GNAL: variants seen among roughly 807,000 people sequenced by gnomAD.
GNAL encodes G protein subunit alpha L.
Under a neutral mutation model 55.1 loss-of-function variants are expected in GNAL, and 18 were observed. That is an observed-to-expected ratio of 0.33 (90% CI 0.23 to 0.48). The LOEUF is 0.48. Ranked by LOEUF, GNAL falls within the 20% of genes least tolerant of loss-of-function variation. The pLI, the probability that GNAL is intolerant of heterozygous loss-of-function variation, is 0.99. For missense variants in GNAL, 412 were observed against 614.1 expected, an observed-to-expected ratio of 0.67 and a Z score of 3.48; for synonymous variants, 253 against 237.0, an observed-to-expected ratio of 1.07 and a Z score of -0.62.
At chr18:11,746,278 G>T in intron 1 of GNAL, 1 of 375,784 alleles carries the variant, frequency 2.7e-6, no homozygotes, top group East Asian at 6.5e-5. Context: ...CAGAAACTTT[G>T]AAGAGCAAGC....
chr18:11,722,866 C>T (rs910741084), intron 1 of GNAL, among the ~76,000 whole-genome samples: 1 of 152,186 alleles, frequency 6.6e-6, no homozygotes, highest in African/African-American at 2.4e-5. Context: ...ACAAAATTAG[C>T]TGGGCGTGGT....
At chr18:11,852,422 A>G (rs949831977) in intron 5 of GNAL, 1 of 325,662 alleles carries the variant, frequency 3.1e-6, no homozygotes, top group African/African-American at 2.1e-5. Flanking sequence ...TTTCCTGCCC[A>G]GAATGATCAG....
chr18:11,751,619 C>T lies in GNAL; in HGVS notation c.377-1234C>T. The T allele has an allele frequency of 7.1e-6, 7 of 985,426 alleles. No individual in the cohort carries two copies. Among genetic ancestry groups the T allele is most frequent in the Non-Finnish European group, 8.4e-6 (7 of 829,960 alleles). 61.0% of individuals were successfully genotyped at this position (985,426 alleles called of 1,614,324 possible). On this transcript the variant is annotated intron_variant, in intron 1 of 11. Coordinates refer to ENST00000334049, the MANE Select transcript of GNAL (RefSeq NM_182978.4). The surrounding 1 kb of genome is among the most constrained non-coding windows in gnomAD (Gnocchi z 4.5). ...AGCCAACACGGGGCGCGCGCCCAGA[C>T]GCACTTTCCCGGCTCGGGGTGCAAG...
chr18:11,755,461 G>A (rs1215022628), intron 4 of GNAL, among the ~76,000 whole-genome samples: 1 of 152,134 alleles, frequency 6.6e-6, no homozygotes, highest in African/African-American at 2.4e-5. Flanking sequence ...ATTTTTAGTA[G>A]AGATGGGGTT....
chr18:11,691,288 C>A (rs1457727060), intron 1 of GNAL, among the ~76,000 whole-genome samples: 13 of 150,894 alleles, frequency 8.6e-5, no homozygotes, highest in African/African-American at 2.7e-4. Context: ...ATGTCCTTTG[C>A]CCACTTTTTG....
intron 10 of GNAL, among the ~76,000 whole-genome samples, chr18:11,875,183 A>G (rs542794171): frequency 3.5e-4 from 54 of 152,240 alleles, no homozygotes; most frequent in African/African-American, 1.2e-3. Context: ...GCTGAGAGGC[A>G]GTCCATGGAG....
rs73397898 is a variant in GNAL at position 11,755,580 on chromosome 18, T to A, written c.624+1635T>A. 9.3e-3 allele frequency among the ~76,000 whole-genome samples: 1,413 copies of A among 152,344 alleles called. 9 individuals are homozygous for A. The highest frequency in any genetic ancestry group is 0.017 in the Middle Eastern group (5 of 294). ...ATGAGCCACCGTGCCCAGCCAAGAA[T>A]AACTTTTTTAAAAAGCTTTTATTTT... On this transcript the variant is annotated intron_variant, in intron 4 of 11. Transcript: ENST00000334049.
In GNAL at chr18:11,726,430, A is replaced by G. The variant is rs561256208; in HGVS notation, c.377-26423A>G. Among the ~76,000 whole-genome samples the G allele has an allele frequency of 1.2e-4, 18 of 152,334 alleles. No homozygotes were observed. In the South Asian group the frequency reaches 3.1e-3, roughly 26 times the overall value. ...CTGCTTATTAATAACCATTTGTGCA[A>G]ATCTCTGTGCTGTGAACACTGATGA... is the stretch of plus-strand genomic sequence containing the variant. On this transcript the variant is annotated intron_variant, in intron 1 of 11. Coordinates refer to ENST00000334049, the MANE Select transcript of GNAL (RefSeq NM_182978.4).
intron 6 of GNAL, among the ~76,000 whole-genome samples, chr18:11,864,086 C>CTT (rs3981355): frequency 1.6e-4 from 21 of 129,044 alleles, no homozygotes; most frequent in African/African-American, 2.1e-4. Context: ...CGTCTGAGTT[C>CTT]TTTTTTTTTT....
chr18:11,847,773 G>A (rs531828828), intron 5 of GNAL, among the ~76,000 whole-genome samples: 9 of 152,046 alleles, frequency 5.9e-5, no homozygotes, highest in East Asian at 1.9e-4. Flanking sequence ...ACATTTTCAC[G>A]TACAATTAGC....
chr18:11,761,195 G>A (rs1025595654), intron 4 of GNAL, among the ~76,000 whole-genome samples: 2 of 152,036 alleles, frequency 1.3e-5, no homozygotes, highest in Non-Finnish European at 2.9e-5. Flanking sequence ...AGCTGTCACC[G>A]CCTGCACCTC....
At chr18:11,807,202 C>T (rs907362784) in intron 4 of GNAL, among the ~76,000 whole-genome samples, 4 of 152,034 alleles carry the variant, frequency 2.6e-5, no homozygotes, top group African/African-American at 7.2e-5. Context: ...TCCAGCTCTA[C>T]ATCCTCGCAA....
chr18:11,833,715 C>G (rs1344782578), intron 5 of GNAL: 1 of 152,252 alleles, frequency 6.6e-6, no homozygotes, highest in African/African-American at 2.4e-5. Flanking sequence ...GGCCTGGCCT[C>G]TCTGCCCAGC....
At chr18:11,857,523 G>A (rs2036035546) in intron 5 of GNAL, 1 of 985,364 alleles carries the variant, frequency 1.0e-6, no homozygotes, top group Non-Finnish European at 1.2e-6. Flanking sequence ...ATGGGAAGGA[G>A]GAAGCGCAGG....
intron 5 of GNAL, among the ~76,000 whole-genome samples, chr18:11,861,752 T>G (rs1205327457): frequency 6.6e-6 from 1 of 152,144 alleles, no homozygotes; most frequent in Non-Finnish European, 1.5e-5. Context: ...CTGCCTTGTG[T>G]GGGACACAGT....
At chr18:11,817,152 T>C (rs539064271) in intron 4 of GNAL, among the ~76,000 whole-genome samples, 1 of 152,276 alleles carries the variant, frequency 6.6e-6, no homozygotes, top group East Asian at 1.9e-4. Flanking sequence ...CTAATAATAA[T>C]TGAAGTAGGC....
intron 5 of GNAL, among the ~76,000 whole-genome samples, chr18:11,827,031 A>T (rs2035263751): frequency 1.3e-5 from 2 of 152,182 alleles, no homozygotes; most frequent in South Asian, 4.1e-4. Context: ...CAGAGGGCAC[A>T]GGTCGTCCGG....
At chr18:11,739,082 C>T (rs919219819) in intron 1 of GNAL, among the ~76,000 whole-genome samples, 2 of 152,142 alleles carry the variant, frequency 1.3e-5, no homozygotes, top group Non-Finnish European at 2.9e-5. Flanking sequence ...CAGAGAGTGC[C>T]CTGCGCAGCC....
At position 11,877,694 on chromosome 18, in the gene GNAL, G is replaced by A. The variant is rs534421384; in HGVS notation, c.1230+1006G>A. 3.3e-5 allele frequency among the ~76,000 whole-genome samples: 5 copies of A among 152,176 alleles called. No individual in the cohort carries two copies. The South Asian group carries it at 1.0e-3, about 32-fold the overall frequency. ...GGACAAGATCTTAGTCCAGGTAGCA[G>A]TAGGGCTGATCCTCGGCTGTGGGGC... On this transcript the variant is annotated intron_variant, in intron 11 of 11. Transcript: ENST00000334049.
Sources: gnomAD v4.1 joint callset for allele counts (sites outside exome capture counted in the v4.1 genomes callset) on GRCh38, gnomAD v4.1.1 for gene constraint, Gnocchi (gnomAD v3.1) non-coding constraint, MANE v1.5 for transcripts, NCBI Gene and HGNC (gene_info 2026-07-23, HGNC 2026-07-21) for gene names.